C1RL: variants seen among roughly 807,000 people sequenced by gnomAD.
C1RL encodes complement C1r subcomponent like, also known as complement C1r subcomponent-like protein.
A neutral mutation model predicts 27.9 loss-of-function variants in C1RL; 27 were observed. The ratio of observed to expected loss-of-function variants is 0.97; its 90% CI spans 0.71 to 1.33. The LOEUF is 1.33. Ranked by LOEUF, C1RL falls within the 40% of genes most tolerant of loss-of-function variation. The pLI is 0.00. For synonymous variants in C1RL, 248 were observed against 252.1 expected (o/e 0.98, Z 0.15); for missense variants, 563 against 623.9 (o/e 0.90, Z 1.04).
intron 2 of C1RL, among the ~76,000 whole-genome samples, chr12:7,102,574 G>C (rs744141): frequency 0.64 from 97,912 of 152,028 alleles, 31,992 homozygotes; most frequent in African/African-American, 0.74. Flanking sequence ...TTCCACTTCT[G>C]TGAGTAACTT....
chr12:7,102,220 C>T, intron 2 of C1RL, 133 bp from the exon 3 acceptor site: 1 of 838,446 alleles, frequency 1.2e-6, no homozygotes, highest in Non-Finnish European at 1.9e-6. Context: ...GCTCAGAAGG[C>T]ACCTCACAGA....
intron 2 of C1RL, among the ~76,000 whole-genome samples, chr12:7,105,653 G>A (rs1938747382): frequency 3.3e-5 from 5 of 151,876 alleles, no homozygotes; most frequent in Admixed American, 2.0e-4. Context: ...ACAGACAAAC[G>A]GTAAAAAAGA....
rs187869769 is a variant in C1RL at position 7,102,136 on chromosome 12, C to T, written c.301-49G>A. ...GCTGCAGATAGGTGTGGGGTGAATC[C>T]GCGCTGCTGGCATCACAGGGGCACA... On this transcript the variant is annotated intron_variant, in intron 2 of 5. Transcript: ENST00000266542. 47 of 1,554,166 alleles carry T rather than the reference C, an allele frequency of 3.0e-5. 1 individual carries two copies. The highest frequency in any genetic ancestry group is 1.4e-4 in the East Asian group (6 of 44,088).
In C1RL at chr12:7,096,342, T is replaced by G; in HGVS notation, c.*49A>C. On this transcript the variant is annotated 3_prime_UTR_variant, in exon 6 of 6. Coordinates refer to ENST00000266542, the MANE Select transcript of C1RL (RefSeq NM_016546.4). ...TCAGTCCTCACTCCAGGCCCTCTGT[T>G]GCCTGGGGCCTCCACTGTGCTGGTC... is the stretch of plus-strand genomic sequence containing the variant. The G allele has an allele frequency of 7.6e-7, 1 of 1,307,532 alleles. No individual in the cohort carries two copies. Among genetic ancestry groups the G allele is most frequent in the Non-Finnish European group, 1.0e-6 (1 of 999,922 alleles). 81.0% of individuals were successfully genotyped at this position (1,307,532 alleles called of 1,614,324 possible). A position where few individuals can be genotyped will look rare whatever the true frequency, so the allele number is the denominator to read the frequency against.
chr12:7,102,157 G>A (rs1938647322), intron 2 of C1RL, 70 bp from the exon 3 acceptor site: 3 of 1,484,910 alleles, frequency 2.0e-6, no homozygotes, highest in Non-Finnish European at 2.8e-6. Flanking sequence ...CATCACAGGG[G>A]CACATCCTCG....
intron 3 of C1RL, among the ~76,000 whole-genome samples, chr12:7,101,109 CCCTCCCTCCCTCCCTCCTT>C (rs1938608305): frequency 2.2e-4 from 4 of 18,150 alleles, no homozygotes; most frequent in African/African-American, 3.9e-4. Flanking sequence ...CTCCTTCCTT[CCCTCCCTCCCTCCCTCCTT>C]CTTCCCTCCC....
Position 7,097,123 on chromosome 12 carries a change from C to G in C1RL, c.732G>C (p.Thr244=), listed in dbSNP as rs1433632463. Residue 244 remains threonine, a synonymous_variant, in exon 6 of 6, where the codon ACG becomes ACC. Transcript: ENST00000266542. ...GCTTGGCTCTGGAAGAACCGAGGGT[C>G]GTCTGATTCTGGGCAATGGGGGTGA... ...RPVTPIAQNQ[T]TLGSSRAKLG... The G allele has an allele frequency of 6.2e-7, 1 of 1,612,734 alleles. No individual in the cohort carries two copies. Among genetic ancestry groups the G allele is most frequent in the Non-Finnish European group, 8.5e-7 (1 of 1,179,358 alleles).
chr12:7,105,459 G>T (rs773348393), intron 2 of C1RL, among the ~76,000 whole-genome samples: 36 of 152,114 alleles, frequency 2.4e-4, no homozygotes, highest in Admixed American at 1.8e-3. Flanking sequence ...TAGTAGAGAC[G>T]GGGTTTCACC....
chr12:7,099,704 C>T lies in C1RL; in HGVS notation c.673G>A (p.Val225Ile). The T allele has an allele frequency of 1.3e-6, 2 of 1,555,798 alleles. No homozygotes were observed. Among genetic ancestry groups the T allele is most frequent in the Non-Finnish European group, 8.7e-7 (1 of 1,149,026 alleles). Residue 225 changes from valine (V) to isoleucine (I), a missense_variant, in exon 5 of 6, where the codon GTT (valine) becomes ATT (isoleucine). Coordinates refer to ENST00000266542, the MANE Select transcript of C1RL (RefSeq NM_016546.4). ...TACTCACCAGGCATACACTGAAGAA[C>T]CTCCTCCCCATCCTGTCTGTCTTTC... ...TWKDRQDGEE[V>I]LQCMPVCGRP...
chr12:7,108,979 G>GGGA (rs1455166026), intron 1 of C1RL, 131 bp downstream of exon 1: 18 of 176,114 alleles, frequency 1.0e-4, no homozygotes, highest in East Asian at 8.3e-4. Flanking sequence ...GTGTGTGTGT[G>GGGA]TGTGTGTGTG....
rs753015139 is a variant in C1RL, at chr12:7,105,414, C to T, written c.300+2837G>A. On this transcript the variant is annotated intron_variant, in intron 2 of 5. Coordinates refer to ENST00000266542, the MANE Select transcript of C1RL (RefSeq NM_016546.4). Reference sequence around the variant, plus strand: ...CCTCCCAAGTAGCTGGGATTACAGGCGTACACCACCATGCCTGCCTAATTT... The same window carrying T: ...CCTCCCAAGTAGCTGGGATTACAGGTGTACACCACCATGCCTGCCTAATTT... Among the ~76,000 whole-genome samples, 7 of 152,138 alleles carry T rather than the reference C, an allele frequency of 4.6e-5. No individual in the cohort carries two copies. The South Asian group carries it at 8.3e-4, about 18-fold the overall frequency.
At chr12:7,108,905 T>G in intron 1 of C1RL, 1 of 568,896 alleles carries the variant, frequency 1.8e-6, no homozygotes, top group Non-Finnish European at 3.1e-6. Flanking sequence ...AATTTCAGTC[T>G]CCCCATGGAA....
rs756384986 is a variant in C1RL at position 7,109,123 on chromosome 12, A to C, written c.58T>G (p.Cys20Gly). The change falls in exon 1 of 6, where the codon TGT (cysteine) becomes GGT (glycine). Residue 20 changes from cysteine to glycine, a missense_variant. By Grantham distance (159) the Cys-to-Gly change is radical (BLOSUM62 -3). Coordinates refer to ENST00000266542, the MANE Select transcript of C1RL (RefSeq NM_016546.4). ...GGCCACACTCACATTGCGCCTGGAC[A>C]GCCTTTGGAGTGAGGGCTTCTCCAG... ...YLWRSPHSKG[C>G]PGAMWWLLLW... The C allele has an allele frequency of 6.3e-7, 1 of 1,594,502 alleles. No homozygotes were observed. The highest frequency in any genetic ancestry group is 8.5e-7 in the Non-Finnish European group (1 of 1,169,722).
At position 7,096,287 on chromosome 12, in the gene C1RL, A is replaced by AACC; in HGVS notation, c.*103_*104insGGT. ...GAATAGGATTTCCCTGCCTCCCCCA[A>AACC]CCCCCCACCCCCAACCCCTACCCCA... is the stretch of plus-strand genomic sequence containing the variant. On this transcript the variant is annotated 3_prime_UTR_variant, in exon 6 of 6. Transcript: ENST00000266542. The AACC allele has an allele frequency of 6.7e-6, 3 of 444,704 alleles. No individual in the cohort carries two copies. The highest frequency in any genetic ancestry group is 8.9e-6 in the Non-Finnish European group (3 of 335,764). The allele number at this position is 444,704 out of a possible 1,614,324, so 27.5% of individuals were successfully genotyped here. A position where few individuals can be genotyped will look rare whatever the true frequency, so the allele number is the denominator to read the frequency against.
At chr12:7,101,055 C>T (rs1591597835) in intron 3 of C1RL, among the ~76,000 whole-genome samples, 1 of 142,224 alleles carries the variant, frequency 7.0e-6, no homozygotes, top group Non-Finnish European at 1.5e-5. Flanking sequence ...GATATTTTAT[C>T]ATGTGCACCC....
At chr12:7,106,017 A>AATAGC (rs1938755373) in intron 2 of C1RL, among the ~76,000 whole-genome samples, 2 of 152,334 alleles carry the variant, frequency 1.3e-5, no homozygotes, top group Middle Eastern at 3.4e-3. Flanking sequence ...TTATTTAAAA[A>AATAGC]ATAGCACAAG....
At chr12:7,108,612 T>C (rs1938837335) in intron 1 of C1RL, 133 bp from the exon 2 acceptor site, 3 of 679,562 alleles carry the variant, frequency 4.4e-6, no homozygotes, top group Admixed American at 3.0e-5. Flanking sequence ...GGCCTCACCC[T>C]TGAGGCCCGG....
At chr12:7,103,574 T>C (rs978317976) in intron 2 of C1RL, among the ~76,000 whole-genome samples, 1 of 152,368 alleles carries the variant, frequency 6.6e-6, no homozygotes. Context: ...GCTTGCATTT[T>C]ATTCACTCTC....
chr12:7,109,025 T>TGGGG, intron 1 of C1RL, 85 bp downstream of exon 1: 1 of 301,932 alleles, frequency 3.3e-6, no homozygotes, highest in South Asian at 2.3e-5. Flanking sequence ...GGGGGTAGGG[T>TGGGG]GGGGGGAGGG....
Sources: allele counts gnomAD v4.1 joint callset (sites outside exome capture counted in the v4.1 genomes callset), GRCh38; gene constraint gnomAD v4.1.1; transcripts MANE v1.5; gene names NCBI Gene and HGNC (gene_info 2026-07-23, HGNC 2026-07-21).